Variants in SH3TC1 observed in about 807,000 individuals in gnomAD.
SH3TC1 encodes the protein SH3 domain and tetratricopeptide repeats 1.
In SH3TC1, 135 loss-of-function variants were observed where a neutral mutation model predicts 117.3. The observed-to-expected ratio is 1.15, with a 90% CI of 1.00 to 1.33. SH3TC1 has a LOEUF of 1.33. SH3TC1 is among the 40% of genes most tolerant of loss of function. The pLI, the probability that SH3TC1 is intolerant of heterozygous loss-of-function variation, is 0.00. For synonymous variants in SH3TC1, 898 were observed against 816.9 expected, an observed-to-expected ratio of 1.10 and a Z score of -1.69; for missense variants, 2,092 against 1,794.3, an observed-to-expected ratio of 1.17 and a Z score of -3.00.
intron 14 of SH3TC1, among the ~76,000 whole-genome samples, chr4:8,234,877 G>C (rs1408306983): frequency 6.6e-6 from 1 of 152,236 alleles, no homozygotes; most frequent in Non-Finnish European, 1.5e-5. Context: ...CTTACAAAAT[G>C]CATCTGTCAT....
chr4:8,211,130 T>C (rs1718641144), intron 3 of SH3TC1, among the ~76,000 whole-genome samples: 1 of 92,186 alleles, frequency 1.1e-5, no homozygotes, highest in African/African-American at 4.5e-5. Context: ...CCCCTCCTGG[T>C]TTCTCCCCTC....
intron 13 of SH3TC1, 112 bp from the exon 14 acceptor site, chr4:8,233,251 A>G: frequency 6.8e-7 from 1 of 1,472,552 alleles, no homozygotes; most frequent in Non-Finnish European, 9.0e-7. Context: ...CACACACAAG[A>G]GGGCCGTTCC....
intron 6 of SH3TC1, among the ~76,000 whole-genome samples, chr4:8,216,613 C>A (rs1327420260): frequency 2.0e-5 from 3 of 152,214 alleles, no homozygotes; most frequent in Admixed American, 6.5e-5. Context: ...CCGACCACAG[C>A]AGGAGGGGGC....
chr4:8,225,221 GT>G lies in SH3TC1; in HGVS notation c.1285+9del. On this transcript the variant is annotated splice_donor_region_variant and intron_variant, in intron 11 of 17. Coordinates refer to ENST00000245105, the MANE Select transcript of SH3TC1 (RefSeq NM_018986.5). The surrounding 1 kb of genome is among the most constrained non-coding windows in gnomAD (Gnocchi z 5.5). ...CCGAGCAGCCGCAGGAAAAAGGTGG[GT>G]TTTGCCAGTGGCTCAGGCTTCCTCT... 1 of 1,613,268 alleles carries G rather than the reference GT, an allele frequency of 6.2e-7. No individual in the cohort carries two copies. Among genetic ancestry groups the G allele is most frequent in the Non-Finnish European group, 8.5e-7 (1 of 1,179,704 alleles).
intron 3 of SH3TC1, 49 bp from the exon 4 acceptor site, chr4:8,212,652 T>G: frequency 6.8e-6 from 11 of 1,611,280 alleles, no homozygotes; most frequent in Non-Finnish European, 9.3e-6. Context: ...CCCCACAGAC[T>G]TCCCAGCCCA....
chr4:8,188,103 A>T (rs1415938003), intron 1 of SH3TC1, among the ~76,000 whole-genome samples: 1 of 152,164 alleles, frequency 6.6e-6, no homozygotes, highest in Non-Finnish European at 1.5e-5. Flanking sequence ...AATGTATTTC[A>T]CAAATATTTC....
chr4:8,202,045 T>C (rs1484260943), intron 1 of SH3TC1, among the ~76,000 whole-genome samples: 1 of 151,724 alleles, frequency 6.6e-6, no homozygotes, highest in Non-Finnish European at 1.5e-5. Context: ...GCCCAGGGAG[T>C]GGATTCCAGC....
At chr4:8,200,732 G>A (rs112847950) in intron 1 of SH3TC1, among the ~76,000 whole-genome samples, 37 of 152,324 alleles carry the variant, frequency 2.4e-4, no homozygotes, top group African/African-American at 7.0e-4. Flanking sequence ...TCGGAATTCC[G>A]AACTCAAGGC....
At chr4:8,182,744 G>A (rs1471123939) in intron 1 of SH3TC1, among the ~76,000 whole-genome samples, 1 of 152,194 alleles carries the variant, frequency 6.6e-6, no homozygotes, top group Non-Finnish European at 1.5e-5. Context: ...CCTGGAGGAC[G>A]CAGGAGCCCT....
Position 8,235,468 on chromosome 4 carries a change from C to T in SH3TC1, c.3318C>T (p.Pro1106=). The T allele has an allele frequency of 7.5e-6, 12 of 1,598,938 alleles. No homozygotes were observed. Among genetic ancestry groups the T allele is most frequent in the Non-Finnish European group, 9.4e-6 (11 of 1,171,448 alleles). Reference sequence around the variant, plus strand: ...ACGTGGCCCTGTACACAGGCGACCCCAACCTGGGGCTGGAGCTGTTTGAGG... The same window carrying T: ...ACGTGGCCCTGTACACAGGCGACCCTAACCTGGGGCTGGAGCTGTTTGAGG... ...AQNVALYTGD[P]NLGLELFEAA... is the part of the protein sequence containing the mutation. The change falls in exon 15 of 18, where the codon CCC becomes CCT. Residue 1106 remains proline, a synonymous_variant. Transcript: ENST00000245105.
At chr4:8,216,618 G>C (rs949516663) in intron 6 of SH3TC1, among the ~76,000 whole-genome samples, 3 of 152,216 alleles carry the variant, frequency 2.0e-5, no homozygotes, top group Admixed American at 1.3e-4. Context: ...CACAGCAGGA[G>C]GGGGCCTGCC....
chr4:8,233,622 C>T, intron 14 of SH3TC1, 109 bp downstream of exon 14: 2 of 1,301,712 alleles, frequency 1.5e-6, no homozygotes, highest in Non-Finnish European at 2.0e-6. Flanking sequence ...ATCCATTTAC[C>T]TGTTCATCCT....
At chr4:8,196,301 C>A (rs141942668), upstream of SH3TC1, among the ~76,000 whole-genome samples, 2,678 of 152,274 alleles carry the variant, frequency 0.018, 91 homozygotes, top group African/African-American at 0.062. This position sits in a 1 kb window ranked among gnomAD's most constrained non-coding sequence, Gnocchi z 4.6. Context: ...GGACCCGAGG[C>A]ACGAATGTGA....
rs1368972315 is a variant in SH3TC1, at chr4:8,215,262, T to C, written c.481+682T>C. The C allele has an allele frequency of 6.6e-6, 3 of 456,090 alleles. No homozygotes were observed. The Admixed American group carries it at 7.0e-5, about 11-fold the overall frequency. The allele number at this position is 456,090 out of a possible 1,614,324, so 28.3% of individuals were successfully genotyped here. On this transcript the variant is annotated intron_variant, in intron 5 of 17. Transcript: ENST00000245105. ...ACCCACGTGAGCTCTTCCTGGCACA[T>C]TCCCTGTTCCATTTGGAGGAATTCC...
chr4:8,227,197 A>G lies in SH3TC1; in HGVS notation c.1503A>G (p.Ser501=), dbSNP rs1423340224. ...GGGAGGACCCAGAGGCCCTGAGCTC[A>G]CTGCTGCTGTTCCTGAACGCCCCTG... The part of the protein sequence containing the change: ...DDWEDPEALS[S]LLLFLNAPGY... Residue 501 remains serine, a synonymous_variant, in exon 12 of 18, where the codon TCA becomes TCG. Coordinates refer to ENST00000245105, the MANE Select transcript of SH3TC1 (RefSeq NM_018986.5). 3 of 1,568,082 alleles carry G rather than the reference A, an allele frequency of 1.9e-6. No homozygotes were observed. The highest frequency in any genetic ancestry group is 1.7e-6 in the Non-Finnish European group (2 of 1,154,386).
At chr4:8,184,559 T>C (rs577775918) in intron 1 of SH3TC1, among the ~76,000 whole-genome samples, 18 of 152,254 alleles carry the variant, frequency 1.2e-4, no homozygotes, top group South Asian at 6.2e-4. Context: ...TTTTATTTTT[T>C]CTAGAGACAG....
At chr4:8,235,289 C>T (rs778390732) in intron 14 of SH3TC1, 144 bp from the exon 15 acceptor site, 12 of 967,222 alleles carry the variant, frequency 1.2e-5, no homozygotes, top group African/African-American at 5.0e-5. Flanking sequence ...GCGGTGGGGG[C>T]GGCCCTAATG....
chr4:8,238,465 T>C (rs979884243), intron 17 of SH3TC1, among the ~76,000 whole-genome samples: 5 of 152,162 alleles, frequency 3.3e-5, no homozygotes, highest in Admixed American at 1.3e-4. Flanking sequence ...TGGCACTGCA[T>C]CGGTGCTCGT....
chr4:8,236,493 G>A (rs1316698644), intron 16 of SH3TC1, 65 bp downstream of exon 16: 15 of 1,414,060 alleles, frequency 1.1e-5, no homozygotes, highest in Admixed American at 6.3e-5. Context: ...CTCCAGGTCT[G>A]CAGGGCAGGA....
Sources: gnomAD v4.1 joint callset for allele counts (sites outside exome capture counted in the v4.1 genomes callset) on GRCh38, gnomAD v4.1.1 for gene constraint, Gnocchi (gnomAD v3.1) non-coding constraint, MANE v1.5 for transcripts, NCBI Gene and HGNC (gene_info 2026-07-23, HGNC 2026-07-21) for gene names.